Variants in ARHGAP35 observed in about 807,000 individuals in gnomAD.
The protein encoded by ARHGAP35 is rho GTPase-activating protein 35.
Under a neutral mutation model 111.1 loss-of-function variants are expected in ARHGAP35, and 15 were observed. That is an observed-to-expected ratio of 0.13 (90% CI 0.09 to 0.21). ARHGAP35 has a LOEUF of 0.21. Ranked by LOEUF, ARHGAP35 falls within the 10% of genes least tolerant of loss-of-function variation. The pLI is 1.00. For synonymous variants in ARHGAP35, 643 were observed against 710.3 expected (o/e 0.91, Z 1.51); for missense variants, 1,262 against 1,873.0 (o/e 0.67, Z 6.02).
At chr19:46,934,799 A>G (rs2056296040) in intron 2 of ARHGAP35, among the ~76,000 whole-genome samples, 1 of 152,084 alleles carries the variant, frequency 6.6e-6, no homozygotes, top group African/African-American at 2.4e-5. Context: ...CTTCCCAGGT[A>G]TCTGGGACTA....
At chr19:46,897,408 A>C (rs554393097) in intron 1 of ARHGAP35, among the ~76,000 whole-genome samples, 6 of 149,720 alleles carry the variant, frequency 4.0e-5, no homozygotes, top group African/African-American at 1.5e-4. Context: ...GTATAGTTTT[A>C]GTAGTTGTTA....
chr19:46,967,360 TG>T (rs2056521442), intron 3 of ARHGAP35, among the ~76,000 whole-genome samples: 2 of 152,176 alleles, frequency 1.3e-5, no homozygotes, highest in African/African-American at 2.4e-5. Context: ...ATGTCCTCCA[TG>T]GGGAGGGGGT....
chr19:46,936,962 C>A (rs991714595), intron 2 of ARHGAP35, among the ~76,000 whole-genome samples: 5 of 151,674 alleles, frequency 3.3e-5, no homozygotes, highest in African/African-American at 9.7e-5. Flanking sequence ...GCCTCAGCCT[C>A]CCAAGTAGCT....
intron 3 of ARHGAP35, among the ~76,000 whole-genome samples, chr19:46,981,512 G>A (rs958882654): frequency 1.3e-5 from 2 of 152,224 alleles, no homozygotes; most frequent in African/African-American, 2.4e-5. Flanking sequence ...GAAGCCTGAC[G>A]CTGGCCGACA....
At chr19:46,873,937 G>A (rs1227559878) in intron 1 of ARHGAP35, among the ~76,000 whole-genome samples, 3 of 152,086 alleles carry the variant, frequency 2.0e-5, no homozygotes, top group African/African-American at 4.8e-5. Flanking sequence ...TAGTAGAGAC[G>A]GGGTTTCCCC....
chr19:46,898,331 G>T (rs1385747703), intron 1 of ARHGAP35, among the ~76,000 whole-genome samples: 2 of 150,878 alleles, frequency 1.3e-5, no homozygotes, highest in Non-Finnish European at 2.9e-5. Flanking sequence ...ACAAAAACTC[G>T]ATTTAGTCAA....
At chr19:46,966,078 C>A (rs186582782) in intron 3 of ARHGAP35, among the ~76,000 whole-genome samples, 7 of 152,184 alleles carry the variant, frequency 4.6e-5, no homozygotes, top group Non-Finnish European at 5.9e-5. Context: ...ATCCAGCAGC[C>A]CCTGGGGTCT....
At chr19:46,969,579 C>A (rs2056533509) in intron 3 of ARHGAP35, among the ~76,000 whole-genome samples, 1 of 152,200 alleles carries the variant, frequency 6.6e-6, no homozygotes, top group Admixed American at 6.5e-5. Flanking sequence ...ACGTCTGCAT[C>A]CAGCCCGCGT....
intron 3 of ARHGAP35, among the ~76,000 whole-genome samples, chr19:46,942,278 C>A (rs904142282): frequency 6.6e-6 from 1 of 152,168 alleles, no homozygotes; most frequent in Non-Finnish European, 1.5e-5. Context: ...TATTTATTTT[C>A]ACATAATTCA....
intron 1 of ARHGAP35, among the ~76,000 whole-genome samples, chr19:46,882,297 G>C (rs1467657094): frequency 1.3e-5 from 2 of 151,264 alleles, no homozygotes; most frequent in Non-Finnish European, 1.5e-5. Context: ...ACCATCCCTG[G>C]CTAATTTTTA....
intron 3 of ARHGAP35, among the ~76,000 whole-genome samples, chr19:46,982,214 T>C (rs1054960226): frequency 6.6e-6 from 1 of 151,250 alleles, no homozygotes; most frequent in African/African-American, 2.4e-5. Flanking sequence ...CGGTGGCTCA[T>C]GCCTGTAATC....
Position 46,921,409 on chromosome 19 carries a change from G to A in ARHGAP35, c.2734G>A (p.Ala912Thr). The A allele has an allele frequency of 6.2e-7, 1 of 1,613,964 alleles. No individual in the cohort carries two copies. Among genetic ancestry groups the A allele is most frequent in the South Asian group, 1.1e-5 (1 of 91,088 alleles). ...ACAGCTAACTGAGGGGGAGGAGATT[G>A]CTCAAGAAATTGACGGAAGGTTCAC... Reference protein sequence around the residue: ...REQLTEGEEIAQEIDGRFTSI... With the variant: ...REQLTEGEEITQEIDGRFTSI... The change falls in exon 2 of 7, where the codon GCT becomes ACT. Residue 912 changes from alanine (A) to threonine (T), a missense_variant. By Grantham distance (58) the Ala-to-Thr change is moderately conservative (BLOSUM62 0). Transcript: ENST00000672722. This position sits in a 1 kb window ranked among gnomAD's most constrained non-coding sequence, Gnocchi z 4.3.
intron 1 of ARHGAP35, among the ~76,000 whole-genome samples, chr19:46,904,521 G>C (rs2122172103): frequency 6.6e-6 from 1 of 152,312 alleles, no homozygotes; most frequent in African/African-American, 2.4e-5. Flanking sequence ...CTGGCTCCCA[G>C]GCGCTTCCTG....
chr19:46,894,618 GTAT>G (rs2056044135), intron 1 of ARHGAP35, among the ~76,000 whole-genome samples: 1 of 151,718 alleles, frequency 6.6e-6, no homozygotes, highest in African/African-American at 2.4e-5. Context: ...GCTAATTTTT[GTAT>G]TTTTATTGGA....
rs545831214 is a variant in ARHGAP35 at position 46,925,074 on chromosome 19, C to T, written c.3681+2718C>T. Among the ~76,000 whole-genome samples, 14 of 152,280 alleles carry T rather than the reference C, an allele frequency of 9.2e-5. No individual in the cohort carries two copies. In the East Asian group the frequency reaches 2.7e-3, roughly 29 times the overall value. ...TCAGCGTGCAAGAAGTGGTCGGCTT[C>T]CGGTCTATCTTTAGCTATGTGGGCC... On this transcript the variant is annotated intron_variant, in intron 2 of 6. Coordinates refer to ENST00000672722, the MANE Select transcript of ARHGAP35 (RefSeq NM_004491.5).
intron 3 of ARHGAP35, among the ~76,000 whole-genome samples, chr19:46,958,666 A>G (rs1599846842): frequency 6.6e-6 from 1 of 152,184 alleles, no homozygotes; most frequent in East Asian, 1.9e-4. Context: ...ACCTGTATGT[A>G]TGATCCTGCA....
intron 5 of ARHGAP35, among the ~76,000 whole-genome samples, chr19:46,991,523 G>A (rs1366039489): frequency 2.0e-5 from 3 of 152,202 alleles, no homozygotes; most frequent in East Asian, 1.9e-4. Flanking sequence ...GCTTCTGGCC[G>A]CTGCTACTGC....
intron 3 of ARHGAP35, among the ~76,000 whole-genome samples, chr19:46,970,168 A>G (rs1200634894): frequency 1.3e-5 from 2 of 152,164 alleles, no homozygotes; most frequent in Admixed American, 6.5e-5. Flanking sequence ...TCACTTCAAG[A>G]TCTCATCTTG....
intron 3 of ARHGAP35, among the ~76,000 whole-genome samples, chr19:46,954,995 G>A (rs955389754): frequency 4.6e-5 from 7 of 152,224 alleles, no homozygotes; most frequent in African/African-American, 4.8e-5. Flanking sequence ...TGAAGCCAGT[G>A]AAGGACCCTG....
Sources: gnomAD v4.1 joint callset for allele counts (sites outside exome capture counted in the v4.1 genomes callset) on GRCh38, gnomAD v4.1.1 for gene constraint, Gnocchi (gnomAD v3.1) non-coding constraint, MANE v1.5 for transcripts, NCBI Gene and HGNC (gene_info 2026-07-23, HGNC 2026-07-21) for gene names.